Variants in ZMYND11 observed in about 807,000 individuals in gnomAD.
The protein encoded by ZMYND11 is zinc finger MYND-type containing 11.
Under a neutral mutation model 84.9 loss-of-function variants are expected in ZMYND11, and 9 were observed. The observed-to-expected ratio is 0.11, with a 90% confidence interval of 0.06 to 0.18. The LOEUF (loss-of-function observed/expected upper bound fraction) is 0.18, where lower values mean the gene tolerates loss of function less well. Among genes scored for constraint, ZMYND11 ranks in the 10% least tolerant of loss-of-function variants. The pLI, the probability that ZMYND11 is intolerant of heterozygous loss-of-function variation, is 1.00. For synonymous variants in ZMYND11, 250 were observed against 244.1 expected (o/e 1.02, Z -0.23); for missense variants, 409 against 761.0 (o/e 0.54, Z 5.44).
chr10:236,390 C>T lies in ZMYND11; in HGVS notation c.439-448C>T, dbSNP rs1210390445. The stretch of plus-strand genomic sequence containing the variant: ...GATGTTAGTATGCAGCTGCGCTGTG[C>T]AAAGTGAGTGACACAGATTTTTAAA... On this transcript the variant is annotated intron_variant, in intron 4 of 14. Coordinates refer to ENST00000381604, the MANE Select transcript of ZMYND11 (RefSeq NM_001370100.5). Among the ~76,000 whole-genome samples, 19 of 152,176 alleles carry T rather than the reference C, an allele frequency of 1.2e-4. 1 individual carries two copies.
At chr10:175,322 C>G (rs1846350527) in intron 1 of ZMYND11, among the ~76,000 whole-genome samples, 1 of 152,206 alleles carries the variant, frequency 6.6e-6, no homozygotes, top group Non-Finnish European at 1.5e-5. Flanking sequence ...CTCCCCAGCA[C>G]TTTGCGAGGC....
At chr10:164,307 A>G (rs1321165814) in intron 1 of ZMYND11, among the ~76,000 whole-genome samples, 2 of 151,844 alleles carry the variant, frequency 1.3e-5, no homozygotes, top group African/African-American at 2.4e-5. Context: ...GCTCTCTTTC[A>G]CTATTTAAGT....
At chr10:240,853 A>C (rs79010039) in intron 8 of ZMYND11, 40 bp from the exon 9 acceptor site, 6 of 1,421,654 alleles carry the variant, frequency 4.2e-6, no homozygotes, top group Admixed American at 3.5e-5. Context: ...ATGTGTATGT[A>C]TATTTTATGT....
At chr10:174,097 A>G (rs782049288) in intron 1 of ZMYND11, among the ~76,000 whole-genome samples, 24 of 152,182 alleles carry the variant, frequency 1.6e-4, no homozygotes, top group Non-Finnish European at 3.2e-4. Flanking sequence ...ACATAAAAAC[A>G]TGCACATGGA....
At chr10:182,403 C>A (rs985689397) in intron 2 of ZMYND11, among the ~76,000 whole-genome samples, 4 of 152,246 alleles carry the variant, frequency 2.6e-5, no homozygotes, top group African/African-American at 9.6e-5. Flanking sequence ...GATGCCAAGG[C>A]TTATTTTTCT....
chr10:241,899 T>C (rs1206369796), intron 9 of ZMYND11, 122 bp from the exon 10 acceptor site: 14 of 1,241,060 alleles, frequency 1.1e-5, no homozygotes, highest in Admixed American at 1.1e-4. Flanking sequence ...CGTATGTGTT[T>C]AGGAGTTATG....
At chr10:212,515 T>A (rs1457295051) in intron 3 of ZMYND11, among the ~76,000 whole-genome samples, 1 of 151,500 alleles carries the variant, frequency 6.6e-6, no homozygotes, top group African/African-American at 2.4e-5. Context: ...AGAAGTAAGA[T>A]CTCGTATGTC....
chr10:213,170 C>T (rs1945560780), intron 3 of ZMYND11, among the ~76,000 whole-genome samples: 1 of 152,128 alleles, frequency 6.6e-6, no homozygotes, highest in South Asian at 2.1e-4. Flanking sequence ...TAGGAAGCCC[C>T]ATCCACATCA....
At chr10:139,144 T>C (rs945302521) in intron 1 of ZMYND11, among the ~76,000 whole-genome samples, 1 of 152,254 alleles carries the variant, frequency 6.6e-6, no homozygotes. Context: ...ATTCATCTAT[T>C]TTAATTCATT....
At chr10:223,469 C>CTCT (rs1947512312) in intron 4 of ZMYND11, among the ~76,000 whole-genome samples, 1 of 152,118 alleles carries the variant, frequency 6.6e-6, no homozygotes, top group African/African-American at 2.4e-5. Context: ...CTTTGTCAAT[C>CTCT]TAGACATTTT....
chr10:251,134 C>T (rs1378594862), intron 14 of ZMYND11, among the ~76,000 whole-genome samples: 1 of 152,100 alleles, frequency 6.6e-6, no homozygotes, highest in Non-Finnish European at 1.5e-5. Context: ...TAATGGATGT[C>T]ACGAGAAACA....
rs200238263 is a variant in ZMYND11 at position 192,451 on chromosome 10, C to T, written c.116+12323C>T. ...TCCATATCTCTTTGTACTTTTTCCC[C>T]GTTTTGAATTATTTCCTTGCTATGG... On this transcript the variant is annotated intron_variant, in intron 2 of 14. Coordinates refer to ENST00000381604, the MANE Select transcript of ZMYND11 (RefSeq NM_001370100.5). Among the ~76,000 whole-genome samples, 18 of 152,308 alleles carry T rather than the reference C, an allele frequency of 1.2e-4. 1 individual carries two copies. The highest frequency in any genetic ancestry group is 2.4e-4 in the African/African-American group (10 of 41,562).
intron 2 of ZMYND11, among the ~76,000 whole-genome samples, chr10:201,585 T>TATACACACAC (rs1554774836): frequency 1.4e-5 from 2 of 146,064 alleles, no homozygotes; most frequent in Non-Finnish European, 3.0e-5. Context: ...TACCATGAAA[T>TATACACACAC]ACACACACAC....
At chr10:154,273 G>C (rs1564279306) in intron 1 of ZMYND11, among the ~76,000 whole-genome samples, 1 of 152,110 alleles carries the variant, frequency 6.6e-6, no homozygotes, top group Admixed American at 6.6e-5. Flanking sequence ...CTGAACAAAA[G>C]CTCGTCTAAT....
intron 4 of ZMYND11, among the ~76,000 whole-genome samples, chr10:225,687 C>A (rs951233836): frequency 1.3e-5 from 2 of 152,160 alleles, no homozygotes; most frequent in African/African-American, 2.4e-5. Flanking sequence ...TATATAGTTC[C>A]CAAATTACAA....
upstream of ZMYND11, among the ~76,000 whole-genome samples, chr10:130,622 A>G (rs1316147342): frequency 6.6e-6 from 1 of 152,180 alleles, no homozygotes; most frequent in Non-Finnish European, 1.5e-5. Flanking sequence ...ATGAGACATA[A>G]ATTGGTAAAT....
chr10:236,799 C>A (rs1265582123), intron 4 of ZMYND11, 39 bp from the exon 5 acceptor site: 2 of 1,535,590 alleles, frequency 1.3e-6, no homozygotes, highest in South Asian at 1.2e-5. Context: ...TAAGAATGAT[C>A]AGATTTTGTA....
chr10:240,841 T>G (rs1422083954), intron 8 of ZMYND11, 52 bp from the exon 9 acceptor site: 2 of 1,258,118 alleles, frequency 1.6e-6, no homozygotes, highest in Non-Finnish European at 2.3e-6. Context: ...TTATATAGTT[T>G]AATGTGTATG....
In ZMYND11 at chr10:206,879, A is replaced by C. The variant is rs531101424; in HGVS notation, c.117-3010A>C. ...TATTATACTTTAAGTTTTAGGGTAC[A>C]TGTGCACAATGTGCAGGTTTCATAT... On this transcript the variant is annotated intron_variant, in intron 2 of 14. Coordinates refer to ENST00000381604, the MANE Select transcript of ZMYND11 (RefSeq NM_001370100.5). Among the ~76,000 whole-genome samples, 13 of 152,052 alleles carry C rather than the reference A, an allele frequency of 8.5e-5. No individual in the cohort carries two copies. In the South Asian group the frequency reaches 2.7e-3, roughly 32 times the overall value.
Sources: allele counts gnomAD v4.1 joint callset (sites outside exome capture counted in the v4.1 genomes callset), GRCh38; gene constraint gnomAD v4.1.1; transcripts MANE v1.5; gene names NCBI Gene and HGNC (gene_info 2026-07-23, HGNC 2026-07-21).